Variants in RAD52 observed in about 807,000 individuals in gnomAD.
RAD52 encodes the protein RAD52 DNA repair protein, also known as DNA repair protein RAD52 homolog.
Under a neutral mutation model 55.5 loss-of-function variants are expected in RAD52, and 47 were observed. The observed-to-expected ratio is 0.85, with a 90% CI of 0.67 to 1.08. The LOEUF (loss-of-function observed/expected upper bound fraction) is 1.08. Ranked by LOEUF, RAD52 falls within the 50% of genes least tolerant of loss-of-function variation. RAD52 has a pLI of 0.00. For synonymous variants in RAD52, 184 were observed against 198.9 expected (o/e 0.92, Z 0.63); for missense variants, 468 against 522.8 (o/e 0.90, Z 1.02).
intron 7 of RAD52, among the ~76,000 whole-genome samples, chr12:924,219 C>G (rs1014864792): frequency 6.6e-6 from 1 of 151,966 alleles, no homozygotes; most frequent in Non-Finnish European, 1.5e-5. Flanking sequence ...ACCAGCCTGA[C>G]CAAGATGGTG....
At chr12:973,547 G>C (rs899036978) in intron 1 of RAD52, among the ~76,000 whole-genome samples, 10 of 145,476 alleles carry the variant, frequency 6.9e-5, no homozygotes, top group Non-Finnish European at 1.2e-4. Flanking sequence ...GTGTGATCTT[G>C]GCTCACTGCA....
chr12:929,783 A>T, intron 5 of RAD52, 36 bp downstream of exon 5: 1 of 1,585,296 alleles, frequency 6.3e-7, no homozygotes, highest in Non-Finnish European at 8.7e-7. Context: ...CCACCCACTG[A>T]TCCTTCCGGG....
At chr12:955,999 A>G (rs1232425962) in intron 1 of RAD52, among the ~76,000 whole-genome samples, 1 of 152,080 alleles carries the variant, frequency 6.6e-6, no homozygotes, top group Non-Finnish European at 1.5e-5. Flanking sequence ...TGCCCAGCCC[A>G]ATGTACTCTT....
intron 1 of RAD52, chr12:976,288 C>G (rs1407081626): frequency 6.6e-6 from 1 of 152,340 alleles, no homozygotes; most frequent in African/African-American, 2.4e-5. Context: ...CCACTGCACT[C>G]CAGCCTGGGC....
intron 1 of RAD52, among the ~76,000 whole-genome samples, chr12:980,053 G>A (rs1439157357): frequency 6.6e-6 from 1 of 151,970 alleles, no homozygotes; most frequent in African/African-American, 2.4e-5. Context: ...GCTGGGCGTG[G>A]TGGTGGGCAC....
chr12:918,148 A>G (rs1341760177), intron 7 of RAD52, among the ~76,000 whole-genome samples: 1 of 152,220 alleles, frequency 6.6e-6, no homozygotes, highest in Non-Finnish European at 1.5e-5. Flanking sequence ...CTGTACAGCA[A>G]AAGAATGCTA....
chr12:926,083 G>C (rs534621842), intron 6 of RAD52, among the ~76,000 whole-genome samples: 1 of 152,236 alleles, frequency 6.6e-6, no homozygotes, highest in South Asian at 2.1e-4. Flanking sequence ...CCAATGCCGG[G>C]GGGTGCGGCC....
At chr12:963,980 G>C (rs1958722400) in intron 1 of RAD52, among the ~76,000 whole-genome samples, 1 of 152,138 alleles carries the variant, frequency 6.6e-6, no homozygotes, top group Non-Finnish European at 1.5e-5. Flanking sequence ...ACAGTGCAAG[G>C]GGGGAAGAGT....
At position 922,480 on chromosome 12, in the gene RAD52, C is replaced by G. The variant is rs12305779; in HGVS notation, c.543+2970G>C. 7.4e-3 allele frequency among the ~76,000 whole-genome samples: 1,133 copies of G among 152,276 alleles called. 12 individuals are homozygous for G. The highest frequency in any genetic ancestry group is 0.026 in the African/African-American group (1,077 of 41,564). On this transcript the variant is annotated intron_variant, in intron 7 of 11. Coordinates refer to ENST00000358495, the MANE Select transcript of RAD52 (RefSeq NM_134424.4). The stretch of plus-strand genomic sequence containing the variant: ...CCAAGAGGTTGAAAGCAACCCAAAT[C>G]CCCATCACCAAATGAATGCATAAAC...
At chr12:965,922 G>T (rs1958758701) in intron 1 of RAD52, among the ~76,000 whole-genome samples, 1 of 151,960 alleles carries the variant, frequency 6.6e-6, no homozygotes, top group Non-Finnish European at 1.5e-5. Context: ...CTGACCTCAT[G>T]ATCCTCCCGC....
intron 1 of RAD52, among the ~76,000 whole-genome samples, chr12:944,457 G>C (rs1239022042): frequency 2.0e-5 from 3 of 151,890 alleles, no homozygotes; most frequent in African/African-American, 7.3e-5. Context: ...AGGGGTCAAG[G>C]CTGCAGTGAG....
intron 1 of RAD52, among the ~76,000 whole-genome samples, chr12:958,830 G>C (rs1446736183): frequency 3.3e-5 from 5 of 152,142 alleles, no homozygotes; most frequent in African/African-American, 7.2e-5. Context: ...ATGGAGGCTG[G>C]CTTGAGGAGG....
At chr12:947,329 CA>C (rs60993018) in intron 1 of RAD52, among the ~76,000 whole-genome samples, 108,686 of 150,498 alleles carry the variant, frequency 0.72, 39,562 homozygotes, top group South Asian at 0.85. Context: ...TCTGTCCCCC[CA>C]AAAAAACAAC....
chr12:944,244 C>T (rs1283582597), intron 1 of RAD52, among the ~76,000 whole-genome samples: 1 of 150,716 alleles, frequency 6.6e-6, no homozygotes, highest in Non-Finnish European at 1.5e-5. Flanking sequence ...ATTAAGTAGC[C>T]AGGAGTGGTG....
chr12:978,061 T>C (rs1472927593), intron 1 of RAD52, among the ~76,000 whole-genome samples: 1 of 152,208 alleles, frequency 6.6e-6, no homozygotes, highest in Non-Finnish European at 1.5e-5. Context: ...AGGCCAGTTG[T>C]CTTATAGAAT....
At chr12:968,226 C>G (rs949155993) in intron 1 of RAD52, among the ~76,000 whole-genome samples, 7 of 152,084 alleles carry the variant, frequency 4.6e-5, no homozygotes, top group Non-Finnish European at 8.8e-5. Flanking sequence ...ATCTGGGAGG[C>G]ATTTATCAAG....
chr12:939,370 C>T (rs1343476331), intron 1 of RAD52, among the ~76,000 whole-genome samples: 2 of 151,960 alleles, frequency 1.3e-5, no homozygotes, highest in African/African-American at 4.8e-5. Flanking sequence ...AGGCTGGTCT[C>T]AAACTCCTGG....
intron 1 of RAD52, among the ~76,000 whole-genome samples, chr12:979,571 G>A (rs1312005066): frequency 6.6e-6 from 1 of 152,182 alleles, no homozygotes; most frequent in Non-Finnish European, 1.5e-5. Flanking sequence ...GTGTGTGTGT[G>A]TGTGTGCATA....
At chr12:939,052 TTGTGTGTGTGTG>T (rs1555176185) in intron 1 of RAD52, among the ~76,000 whole-genome samples, 1 of 141,048 alleles carries the variant, frequency 7.1e-6, no homozygotes, top group African/African-American at 2.7e-5. Flanking sequence ...ATTCAACTAA[TTGTGTGTGTGTG>T]TGTGTGTGTG....
Sources: gnomAD v4.1 joint callset for allele counts (sites outside exome capture counted in the v4.1 genomes callset) on GRCh38, gnomAD v4.1.1 for gene constraint, MANE v1.5 for transcripts, NCBI Gene and HGNC (gene_info 2026-07-23, HGNC 2026-07-21) for gene names.